KDM2B: variants seen among roughly 807,000 people sequenced by gnomAD.
The protein encoded by KDM2B is lysine-specific demethylase 2B.
In KDM2B, 26 loss-of-function variants were observed where a neutral mutation model predicts 150.0. That is an observed-to-expected ratio of 0.17 (90% CI 0.13 to 0.24). KDM2B has a LOEUF of 0.24. Ranked by LOEUF, KDM2B falls within the 10% of genes least tolerant of loss-of-function variation. The pLI is 1.00. For missense variants in KDM2B, 1,265 were observed against 1,816.9 expected (o/e 0.70, Z 5.52); for synonymous variants, 734 against 729.5 (o/e 1.01, Z -0.10).
At chr12:121,550,454 G>A (rs1889399091) in intron 4 of KDM2B, among the ~76,000 whole-genome samples, 2 of 152,222 alleles carry the variant, frequency 1.3e-5, no homozygotes, top group Admixed American at 6.5e-5. Context: ...ACAGCCCAAG[G>A]GCCAAATCCA....
chr12:121,503,039 G>A (rs1180473309), intron 11 of KDM2B, among the ~76,000 whole-genome samples: 4 of 149,184 alleles, frequency 2.7e-5, no homozygotes, highest in South Asian at 2.1e-4. Flanking sequence ...GTGCAATGGC[G>A]CAATCTCAGC....
At chr12:121,501,280 G>A (rs1884516832) in intron 11 of KDM2B, among the ~76,000 whole-genome samples, 1 of 152,176 alleles carries the variant, frequency 6.6e-6, no homozygotes, top group Admixed American at 6.5e-5. Context: ...TTGGGAGGCT[G>A]AGGCACGAGA....
chr12:121,525,405 C>T (rs901294520), intron 8 of KDM2B, among the ~76,000 whole-genome samples: 3 of 151,996 alleles, frequency 2.0e-5, no homozygotes, highest in Non-Finnish European at 4.4e-5. Context: ...TAGCTGGAAT[C>T]ACAGGCACAC....
chr12:121,531,301 A>C (rs61667355), intron 8 of KDM2B, among the ~76,000 whole-genome samples: 3 of 152,120 alleles, frequency 2.0e-5, no homozygotes, highest in Non-Finnish European at 4.4e-5. Context: ...AATCTCCCTA[A>C]TAGGGAAGTC....
the KDM2B span, among the ~76,000 whole-genome samples, chr12:121,408,936 T>C: frequency 6.6e-6 from 1 of 151,768 alleles, no homozygotes. Context: ...AGGAAAGGGA[T>C]TCATTGAAGA....
chr12:121,484,546 G>T (rs782107229), intron 12 of KDM2B, among the ~76,000 whole-genome samples: 1 of 152,164 alleles, frequency 6.6e-6, no homozygotes, highest in African/African-American at 2.4e-5. Context: ...GGCCGGACAT[G>T]GTGGCTCACG....
At chr12:121,530,227 CAAA>C (rs71453566) in intron 8 of KDM2B, among the ~76,000 whole-genome samples, 9 of 65,776 alleles carry the variant, frequency 1.4e-4, no homozygotes, top group Admixed American at 1.7e-4. Flanking sequence ...GACTCCCTCT[CAAA>C]AAAAAAAAAA....
chr12:121,479,967 A>G (rs1881912130), intron 12 of KDM2B, among the ~76,000 whole-genome samples: 1 of 151,660 alleles, frequency 6.6e-6, no homozygotes, highest in Admixed American at 6.6e-5. Flanking sequence ...CACCCTGCCT[A>G]GAGTGCAATG....
At chr12:121,581,541 T>A (rs1024766708), upstream of KDM2B, among the ~76,000 whole-genome samples, 5 of 152,146 alleles carry the variant, frequency 3.3e-5, no homozygotes, top group African/African-American at 4.8e-5. Flanking sequence ...TAAACATTCC[T>A]CCAGCCCCAG....
chr12:121,427,389 A>G (rs1555284391), downstream of KDM2B, among the ~76,000 whole-genome samples: 2 of 152,158 alleles, frequency 1.3e-5, no homozygotes, highest in African/African-American at 2.4e-5. Context: ...TAAAAATACA[A>G]AAGTTAACTG....
At chr12:121,465,231 G>C (rs1879716601) in intron 12 of KDM2B, among the ~76,000 whole-genome samples, 1 of 152,098 alleles carries the variant, frequency 6.6e-6, no homozygotes, top group Admixed American at 6.5e-5. Flanking sequence ...TTTTGTTTTT[G>C]TTTTTGTTTT....
chr12:121,445,487 C>A, intron 13 of KDM2B, 69 bp from the exon 14 acceptor site: 1 of 1,478,914 alleles, frequency 6.8e-7, no homozygotes, highest in South Asian at 1.3e-5. Context: ...GGGGCCAGTT[C>A]AAGGGCAATG....
chr12:121,571,948 G>A (rs1443765984), intron 4 of KDM2B, among the ~76,000 whole-genome samples: 1 of 152,112 alleles, frequency 6.6e-6, no homozygotes, highest in Non-Finnish European at 1.5e-5. Context: ...ACGGCGCCCA[G>A]CCACTCTTCT....
chr12:121,510,741 C>A (rs1397983124), intron 10 of KDM2B, among the ~76,000 whole-genome samples: 1 of 151,716 alleles, frequency 6.6e-6, no homozygotes, highest in Non-Finnish European at 1.5e-5. Flanking sequence ...TGCAGTAAGC[C>A]ATGAATGCAC....
intron 12 of KDM2B, among the ~76,000 whole-genome samples, chr12:121,466,922 A>T (rs1221232006): frequency 4.8e-5 from 7 of 146,530 alleles, no homozygotes; most frequent in African/African-American, 1.7e-4. Context: ...GCGGTGCCCG[A>T]TGGCCCCCAG....
intron 8 of KDM2B, among the ~76,000 whole-genome samples, chr12:121,531,239 G>A (rs1245105883): frequency 6.6e-6 from 1 of 152,162 alleles, no homozygotes; most frequent in African/African-American, 2.4e-5. Context: ...CAGACCTGGG[G>A]CCATGGTAAC....
rs1362809438 is a variant in KDM2B, at chr12:121,440,807, G to A, written c.3610+9C>T. Reference sequence around the variant, plus strand: ...CACCCCCACAGAAACCCCCAGCCTGGCAACTCACCTGGCCTGTTGTCTGTG... The same window carrying A: ...CACCCCCACAGAAACCCCCAGCCTGACAACTCACCTGGCCTGTTGTCTGTG... On this transcript the variant is annotated intron_variant, in intron 21 of 22. Coordinates refer to ENST00000377071, the MANE Select transcript of KDM2B (RefSeq NM_032590.5). 4 of 1,599,598 alleles carry A rather than the reference G, an allele frequency of 2.5e-6. No individual in the cohort carries two copies. The South Asian group carries it at 3.4e-5, about 13-fold the overall frequency.
chr12:121,480,381 T>C (rs1555297610), intron 12 of KDM2B, among the ~76,000 whole-genome samples: 2 of 152,190 alleles, frequency 1.3e-5, no homozygotes, highest in African/African-American at 4.8e-5. Context: ...TGGGATATTC[T>C]ATGGGACATG....
At chr12:121,511,924 G>A (rs1318017404) in intron 10 of KDM2B, among the ~76,000 whole-genome samples, 3 of 152,210 alleles carry the variant, frequency 2.0e-5, no homozygotes, top group Non-Finnish European at 4.4e-5. Context: ...GAGAGCCAGA[G>A]GGAAAACAGT....
Sources: allele counts gnomAD v4.1 joint callset (sites outside exome capture counted in the v4.1 genomes callset), GRCh38; gene constraint gnomAD v4.1.1; transcripts MANE v1.5; gene names NCBI Gene and HGNC (gene_info 2026-07-23, HGNC 2026-07-21).